Variants in PTPRA observed in about 807,000 individuals in gnomAD.
The protein encoded by PTPRA is receptor-type tyrosine-protein phosphatase alpha.
Under a neutral mutation model 104.8 loss-of-function variants are expected in PTPRA, and 25 were observed. That is an observed-to-expected ratio of 0.24 (90% CI 0.17 to 0.33). The LOEUF is 0.33. Ranked by LOEUF, PTPRA falls within the 10% of genes least tolerant of loss-of-function variation. The probability of loss-of-function intolerance (pLI) is 1.00; values close to 1 mark genes in which losing one functional copy is unlikely to be tolerated. For synonymous variants in PTPRA, 323 were observed against 368.9 expected, an observed-to-expected ratio of 0.88 and a Z score of 1.43; for missense variants, 765 against 1,015.3, an observed-to-expected ratio of 0.75 and a Z score of 3.35.
At chr20:2,865,093 T>A in the PTPRA span, 1 of 1,614,162 alleles carries the variant, frequency 6.2e-7, no homozygotes. This position sits in a 1 kb window ranked among gnomAD's most constrained non-coding sequence, Gnocchi z 5.2. Flanking sequence ...CCTCGTCTCC[T>A]GGTCTTCCCT....
At chr20:2,917,567 T>A (rs751158255) in intron 1 of PTPRA, among the ~76,000 whole-genome samples, 1 of 152,238 alleles carries the variant, frequency 6.6e-6, no homozygotes, top group Non-Finnish European at 1.5e-5. Context: ...TTCCCTCCTC[T>A]CTTAAGAACT....
At chr20:3,016,257 G>A (rs968364537) in intron 12 of PTPRA, among the ~76,000 whole-genome samples, 1 of 152,160 alleles carries the variant, frequency 6.6e-6, no homozygotes, top group African/African-American at 2.4e-5. Flanking sequence ...CCACCTCACA[G>A]GGTCCAGGCT....
chr20:2,940,923 C>T (rs1184453038), intron 2 of PTPRA, among the ~76,000 whole-genome samples: 3 of 152,102 alleles, frequency 2.0e-5, no homozygotes, highest in Admixed American at 6.5e-5. Flanking sequence ...TTTCAAGATA[C>T]ATAATTTTCT....
At chr20:2,974,861 A>G (rs141676975) in intron 5 of PTPRA, among the ~76,000 whole-genome samples, 112 of 152,324 alleles carry the variant, frequency 7.4e-4, no homozygotes, top group Non-Finnish European at 1.3e-3. Flanking sequence ...AGAGTTTGGT[A>G]TGTACCAATT....
intron 1 of PTPRA, among the ~76,000 whole-genome samples, chr20:2,910,140 C>G (rs533408978): frequency 9.4e-6 from 1 of 106,720 alleles, no homozygotes; most frequent in African/African-American, 3.6e-5. Context: ...TGATATATAA[C>G]ATCATATATA....
chr20:2,910,721 C>T (rs1035789367), intron 1 of PTPRA, among the ~76,000 whole-genome samples: 4 of 148,514 alleles, frequency 2.7e-5, no homozygotes, highest in African/African-American at 9.9e-5. Context: ...ATTCTCCTGC[C>T]TCAGCCTCCC....
At chr20:2,962,404 C>A in intron 3 of PTPRA, among the ~76,000 whole-genome samples, 1 of 152,070 alleles carries the variant, frequency 6.6e-6, no homozygotes, top group Non-Finnish European at 1.5e-5. Flanking sequence ...AATTTTTAAA[C>A]CTATGTGGAA....
chr20:3,000,598 G>A (rs1036762087), intron 9 of PTPRA, among the ~76,000 whole-genome samples: 8 of 152,154 alleles, frequency 5.3e-5, no homozygotes, highest in Admixed American at 1.3e-4. Flanking sequence ...ACAAAAATGT[G>A]TCTCAAAGCA....
intron 16 of PTPRA, 33 bp from the exon 17 acceptor site, chr20:3,024,439 T>C (rs2065036385): frequency 3.7e-6 from 6 of 1,601,622 alleles, no homozygotes; most frequent in Non-Finnish European, 5.1e-6. Flanking sequence ...ATGTTGTATG[T>C]AACCAAGAAC....
chr20:2,905,690 CTT>C (rs11479039), intron 1 of PTPRA, among the ~76,000 whole-genome samples: 1,163 of 70,622 alleles, frequency 0.016, 9 homozygotes, highest in African/African-American at 0.058. Context: ...TCATAAAATT[CTT>C]TTTTTTTTTT....
intron 5 of PTPRA, among the ~76,000 whole-genome samples, chr20:2,973,142 T>G (rs1026895488): frequency 1.3e-5 from 2 of 152,134 alleles, no homozygotes; most frequent in African/African-American, 4.8e-5. Context: ...CCTTTTTTTT[T>G]TTGTTTAGGC....
intron 3 of PTPRA, among the ~76,000 whole-genome samples, chr20:2,951,251 G>A (rs1440350491): frequency 1.4e-4 from 21 of 152,002 alleles, no homozygotes; most frequent in African/African-American, 4.6e-4. Flanking sequence ...AGGCGTGCCC[G>A]CCACCACGCC....
intron 1 of PTPRA, among the ~76,000 whole-genome samples, chr20:2,896,997 T>C (rs918877681): frequency 1.3e-5 from 2 of 152,224 alleles, no homozygotes; most frequent in Non-Finnish European, 2.9e-5. Context: ...GTCTGATGTT[T>C]CCTTTTGAAT....
At chr20:2,994,300 G>C (rs144948049) in intron 9 of PTPRA, among the ~76,000 whole-genome samples, 198 of 152,246 alleles carry the variant, frequency 1.3e-3, no homozygotes, top group Middle Eastern at 3.4e-3. Flanking sequence ...CCAGGCCTAC[G>C]AGTTGGATGA....
intron 3 of PTPRA, among the ~76,000 whole-genome samples, chr20:2,959,768 T>C (rs2061680996): frequency 6.6e-6 from 1 of 152,014 alleles, no homozygotes; most frequent in African/African-American, 2.4e-5. Context: ...CTGGCCAATA[T>C]GATGAAACCC....
chr20:3,035,495 G>C lies in PTPRA; in HGVS notation c.1921-90G>C, dbSNP rs2065752651. On this transcript the variant is annotated intron_variant, in intron 20 of 23. Transcript: ENST00000399903. This position sits in a 1 kb window ranked among gnomAD's most constrained non-coding sequence, Gnocchi z 5.8. Reference sequence around the variant, plus strand: ...AAGCGTATCAGCGTAAGAGGTGGCTGTACTGAGAGGGGTCAGGCTGCTCGT... The same window carrying C: ...AAGCGTATCAGCGTAAGAGGTGGCTCTACTGAGAGGGGTCAGGCTGCTCGT... 2.1e-6 allele frequency: 3 copies of C among 1,438,212 alleles called. No individual in the cohort carries two copies. Among genetic ancestry groups the C allele is most frequent in the Admixed American group, 1.9e-5 (1 of 53,172 alleles). 89.1% of individuals were successfully genotyped at this position (1,438,212 alleles called of 1,614,324 possible).
At chr20:3,011,349 A>G (rs963065193) in intron 11 of PTPRA, among the ~76,000 whole-genome samples, 2 of 152,236 alleles carry the variant, frequency 1.3e-5, no homozygotes, top group Non-Finnish European at 2.9e-5. Context: ...CTGTGTGCCA[A>G]GCACTGTGGG....
At chr20:2,866,859 C>T in the PTPRA span, 3 of 406,270 alleles carry the variant, frequency 7.4e-6, 1 homozygote, top group Non-Finnish European at 1.3e-5. Flanking sequence ...TCCAGCCATA[C>T]TCGCAAGAAA....
At chr20:2,974,793 A>G (rs866231927) in intron 5 of PTPRA, among the ~76,000 whole-genome samples, 97 of 152,318 alleles carry the variant, frequency 6.4e-4, no homozygotes, top group African/African-American at 2.2e-3. Context: ...GTTGGGGTTT[A>G]TAAGGGCTGT....
Sources: gnomAD v4.1 joint callset for allele counts (sites outside exome capture counted in the v4.1 genomes callset) on GRCh38, gnomAD v4.1.1 for gene constraint, Gnocchi (gnomAD v3.1) non-coding constraint, MANE v1.5 for transcripts, NCBI Gene and HGNC (gene_info 2026-07-23, HGNC 2026-07-21) for gene names.